Variants in ALMS1 observed in about 807,000 individuals in gnomAD.
ALMS1 encodes ALMS1 centrosome and basal body associated protein, also known as centrosome-associated protein ALMS1.
ALMS1 carries 271 observed loss-of-function variants against 352.2 expected under a neutral mutation model. The ratio of observed to expected loss-of-function variants is 0.77; its 90% CI spans 0.70 to 0.85. The LOEUF (loss-of-function observed/expected upper bound fraction) is 0.85. Among genes scored for constraint, ALMS1 ranks in the 40% least tolerant of loss-of-function variants. The probability of loss-of-function intolerance (pLI) is 0.00; values close to 1 mark genes in which losing one functional copy is unlikely to be tolerated. For missense variants in ALMS1, 5,445 were observed against 4,870.7 expected (o/e 1.12, Z -3.51); for synonymous variants, 1,865 against 1,761.2 (o/e 1.06, Z -1.48).
intron 12 of ALMS1, among the ~76,000 whole-genome samples, chr2:73,539,452 C>G (rs539856706): frequency 6.6e-6 from 1 of 152,168 alleles, no homozygotes; most frequent in Admixed American, 6.5e-5. Context: ...ACTGAAAATT[C>G]TAAAAATCGG....
intron 7 of ALMS1, among the ~76,000 whole-genome samples, chr2:73,445,282 G>A (rs187762407): frequency 4.6e-4 from 70 of 152,016 alleles, no homozygotes; most frequent in Middle Eastern, 3.4e-3. Flanking sequence ...TTTAAAATGC[G>A]TTATAAATAA....
chr2:73,445,653 C>T (rs1197123140), intron 7 of ALMS1, among the ~76,000 whole-genome samples: 1 of 151,914 alleles, frequency 6.6e-6, no homozygotes, highest in Non-Finnish European at 1.5e-5. Context: ...ACCTAGGAAG[C>T]CTTCTGTGTT....
intron 15 of ALMS1, among the ~76,000 whole-genome samples, chr2:73,566,928 G>A (rs1461489422): frequency 2.0e-5 from 3 of 152,136 alleles, no homozygotes; most frequent in Non-Finnish European, 4.4e-5. Flanking sequence ...GGATACGCAC[G>A]AACAACCAAA....
rs116327057 is a variant in ALMS1, at chr2:73,603,361, C to T, written c.12362+57C>T. The T allele has an allele frequency of 4.6e-3, 7,092 of 1,528,608 alleles. 269 individuals are homozygous for T. In the African/African-American group the frequency reaches 0.084, roughly 18 times the overall value. 94.7% of individuals were successfully genotyped at this position (1,528,608 alleles called of 1,614,324 possible). ...AGTGTAAACCAGGCCACCAAGTGGT[C>T]GGGAGCTCTGGCTTGCACCCAGAAT... On this transcript the variant is annotated intron_variant, in intron 21 of 22. Coordinates refer to ENST00000613296, the MANE Select transcript of ALMS1 (RefSeq NM_001378454.1).
intron 9 of ALMS1, among the ~76,000 whole-genome samples, chr2:73,472,581 C>T (rs1379164305): frequency 2.0e-5 from 3 of 151,992 alleles, no homozygotes; most frequent in African/African-American, 2.4e-5. Flanking sequence ...AATTAGTTTT[C>T]GTAGAACTCT....
At chr2:73,558,049 C>T (rs1205185589) in intron 14 of ALMS1, among the ~76,000 whole-genome samples, 1 of 152,206 alleles carries the variant, frequency 6.6e-6, no homozygotes, top group African/African-American at 2.4e-5. Context: ...GGAAAAAGCA[C>T]ATTCCTTCCT....
At chr2:73,506,059 C>A (rs991042125) in intron 10 of ALMS1, among the ~76,000 whole-genome samples, 2 of 151,920 alleles carry the variant, frequency 1.3e-5, no homozygotes, top group African/African-American at 4.8e-5. Context: ...ATCCTTTCTC[C>A]ATTGCTTTTG....
Position 73,455,162 on chromosome 2 carries a change from C to G in ALMS1, c.7541C>G (p.Ala2514Gly). ...TCTCAAGTGTATGCTTTCTCTCCAG[C>G]CTGGAATATGAAGTTCAATTTAGCA... The part of the protein sequence containing the change: ...EEEESRVRAH[A>G]WNMKFNLAHD... Residue 2514 changes from alanine (A) to glycine (G), a missense_variant and splice_region_variant, in exon 9 of 23, where the codon GCC becomes GGC. By Grantham distance (60) the Ala-to-Gly change is moderately conservative. Coordinates refer to ENST00000613296, the MANE Select transcript of ALMS1 (RefSeq NM_001378454.1). 2 of 1,613,152 alleles carry G rather than the reference C, an allele frequency of 1.2e-6. No individual in the cohort carries two copies. The highest frequency in any genetic ancestry group is 1.7e-6 in the Non-Finnish European group (2 of 1,179,660).
At chr2:73,399,506 G>T (rs745567572) in intron 1 of ALMS1, among the ~76,000 whole-genome samples, 7 of 151,784 alleles carry the variant, frequency 4.6e-5, no homozygotes, top group Non-Finnish European at 1.0e-4. Context: ...AAGGGAGGAG[G>T]TGCCACTCTT....
rs1672942372 is a variant in ALMS1 at position 73,490,024 on chromosome 2, G to A, written c.8065G>A (p.Val2689Met). The change falls in exon 10 of 23, where the codon GTG becomes ATG. Residue 2689 changes from valine (V) to methionine (M), a missense_variant. By Grantham distance (21) the Val-to-Met change is conservative. Coordinates refer to ENST00000613296, the MANE Select transcript of ALMS1 (RefSeq NM_001378454.1). ...GTCAGAATTAGTAGAACCTGCTTTT[G>A]TGCCACCTAAAGAAGTGGATTTTCA... ...WLSELVEPAF[V>M]PPKEVDFHSS... The A allele has an allele frequency of 3.1e-6, 5 of 1,614,186 alleles. No individual in the cohort carries two copies. The South Asian group carries it at 5.5e-5, about 18-fold the overall frequency.
In ALMS1 at chr2:73,572,545, C is replaced by G; in HGVS notation, c.10668C>G (p.Asn3556Lys). ...TCAGCATCAATGTGAATTTGGGAAA[C>G]AAAGAAGTGATGGATACTACTAAAA... is the stretch of plus-strand genomic sequence containing the variant. ...KSLSINVNLG[N>K]KEVMDTTKSQ... Residue 3556 changes from asparagine to lysine, a missense_variant, in exon 16 of 23, where the codon AAC becomes AAG. Transcript: ENST00000613296. 1.9e-6 allele frequency: 3 copies of G among 1,613,628 alleles called. No individual in the cohort carries two copies. The highest frequency in any genetic ancestry group is 2.5e-6 in the Non-Finnish European group (3 of 1,179,924).
intron 9 of ALMS1, among the ~76,000 whole-genome samples, chr2:73,471,311 G>A (rs560924428): frequency 4.0e-5 from 6 of 149,812 alleles, no homozygotes; most frequent in South Asian, 2.1e-4. Flanking sequence ...TAGCTACAGC[G>A]AAAGCAATTT....
chr2:73,576,140 T>G (rs1181269315), intron 16 of ALMS1, among the ~76,000 whole-genome samples: 2 of 152,194 alleles, frequency 1.3e-5, no homozygotes, highest in South Asian at 2.1e-4. Context: ...ACGTGAGGGT[T>G]TTTATCTGGG....
chr2:73,578,945 G>A (rs1675111307), intron 16 of ALMS1, among the ~76,000 whole-genome samples: 1 of 151,442 alleles, frequency 6.6e-6, no homozygotes, highest in Non-Finnish European at 1.5e-5. Context: ...TCAAGGTATT[G>A]TCAAATGTCC....
chr2:73,485,752 C>T (rs537646640), intron 9 of ALMS1, among the ~76,000 whole-genome samples: 2 of 152,292 alleles, frequency 1.3e-5, no homozygotes, highest in East Asian at 3.9e-4. Context: ...ACGCTCGGAG[C>T]CAGGTGCGGG....
intron 11 of ALMS1, among the ~76,000 whole-genome samples, chr2:73,526,498 A>G (rs1558681546): frequency 6.6e-6 from 1 of 152,018 alleles, no homozygotes; most frequent in Admixed American, 6.5e-5. Context: ...CTTTATAGAG[A>G]TCTTTCACTT....
intron 1 of ALMS1, among the ~76,000 whole-genome samples, chr2:73,401,702 G>C (rs1553398113): frequency 6.6e-6 from 1 of 151,096 alleles, no homozygotes; most frequent in Non-Finnish European, 1.5e-5. Flanking sequence ...TGTGGCAAGA[G>C]CTTCTAAAAT....
rs201693661 is a variant in ALMS1, at chr2:73,480,566, T to C, written c.7675-9068T>C. Among the ~76,000 whole-genome samples the C allele has an allele frequency of 1.8e-4, 28 of 151,908 alleles. No homozygotes were observed. The East Asian group carries it at 5.2e-3, about 28-fold the overall frequency. On this transcript the variant is annotated intron_variant, in intron 9 of 22. Coordinates refer to ENST00000613296, the MANE Select transcript of ALMS1 (RefSeq NM_001378454.1). ...TGCATGTGTCTTTATAGCAGCATGA[T>C]TTATAGTCCTTTGGGTATATACCCA...
At chr2:73,426,905 A>G (rs1438068575) in intron 6 of ALMS1, among the ~76,000 whole-genome samples, 3 of 152,236 alleles carry the variant, frequency 2.0e-5, no homozygotes, top group Admixed American at 2.0e-4. Flanking sequence ...TTGAAAAATT[A>G]TATCCTTCAG....
Sources: allele counts gnomAD v4.1 joint callset (sites outside exome capture counted in the v4.1 genomes callset), GRCh38; gene constraint gnomAD v4.1.1; transcripts MANE v1.5; gene names NCBI Gene and HGNC (gene_info 2026-07-23, HGNC 2026-07-21).